Variants in SENP7 observed in about 807,000 individuals in gnomAD.
The protein encoded by SENP7 is SUMO specific peptidase 7, also known as sentrin-specific protease 7.
In SENP7, 64 loss-of-function variants were observed where a neutral mutation model predicts 141.2. The observed-to-expected ratio is 0.45, with a 90% CI of 0.37 to 0.56. SENP7 has a LOEUF of 0.56. Among genes scored for constraint, SENP7 ranks in the 20% least tolerant of loss-of-function variants. The probability of loss-of-function intolerance (pLI) is 0.00; values close to 1 mark genes in which losing one functional copy is unlikely to be tolerated. For synonymous variants in SENP7, 382 were observed against 426.4 expected (o/e 0.90, Z 1.28); for missense variants, 1,025 against 1,212.2 (o/e 0.85, Z 2.29).
At chr3:101,433,895 A>C (rs1056200222) in intron 4 of SENP7, among the ~76,000 whole-genome samples, 4 of 152,112 alleles carry the variant, frequency 2.6e-5, no homozygotes, top group African/African-American at 9.7e-5. Flanking sequence ...ACAAACAAAC[A>C]AACAAACATC....
intron 4 of SENP7, among the ~76,000 whole-genome samples, chr3:101,450,852 A>G (rs1377094910): frequency 6.6e-6 from 1 of 152,212 alleles, no homozygotes; most frequent in Non-Finnish European, 1.5e-5. Context: ...AAGGCAAGAA[A>G]TAACTAAGAT....
chr3:101,434,582 G>A (rs1215903888), intron 4 of SENP7, among the ~76,000 whole-genome samples: 2 of 151,890 alleles, frequency 1.3e-5, no homozygotes, highest in African/African-American at 4.8e-5. Flanking sequence ...AAATTAAAAA[G>A]GAGGCATTAC....
chr3:101,465,389 C>G (rs1339100156), intron 3 of SENP7, among the ~76,000 whole-genome samples: 1 of 152,218 alleles, frequency 6.6e-6, no homozygotes, highest in African/African-American at 2.4e-5. Context: ...ACACACACCA[C>G]TCAGGCAACT....
intron 3 of SENP7, among the ~76,000 whole-genome samples, chr3:101,463,005 C>T (rs150619458): frequency 0.019 from 2,896 of 152,186 alleles, 45 homozygotes; most frequent in Non-Finnish European, 0.028. Flanking sequence ...TTGCAATACA[C>T]ATACTGACAA....
intron 3 of SENP7, among the ~76,000 whole-genome samples, chr3:101,490,596 A>G (rs530058505): frequency 6.6e-6 from 1 of 152,346 alleles, no homozygotes; most frequent in Admixed American, 6.5e-5. Context: ...AGATAAAATG[A>G]AAACAAGGAA....
intron 4 of SENP7, among the ~76,000 whole-genome samples, chr3:101,430,994 G>GC (rs1440842875): frequency 1.3e-5 from 2 of 152,200 alleles, no homozygotes; most frequent in African/African-American, 4.8e-5. Flanking sequence ...TGCAGTATGA[G>GC]CGGGTTTCTT....
intron 4 of SENP7, among the ~76,000 whole-genome samples, chr3:101,455,180 A>G (rs953523697): frequency 6.6e-6 from 1 of 152,142 alleles, no homozygotes; most frequent in African/African-American, 2.4e-5. Flanking sequence ...CGATTTATAA[A>G]ATGTTTCAGA....
At chr3:101,383,292 T>C (rs1271210438) in intron 6 of SENP7, among the ~76,000 whole-genome samples, 1 of 152,164 alleles carries the variant, frequency 6.6e-6, no homozygotes, top group Admixed American at 6.5e-5. Flanking sequence ...TTTCCACTGA[T>C]GGCAGCAGCA....
intron 3 of SENP7, among the ~76,000 whole-genome samples, chr3:101,480,863 C>T (rs189202000): frequency 6.2e-4 from 94 of 150,846 alleles, no homozygotes; most frequent in Admixed American, 5.0e-3. Flanking sequence ...CCAACAGGTA[C>T]ATGAAAAAAT....
chr3:101,403,823 CA>C (rs1293901414), intron 5 of SENP7, among the ~76,000 whole-genome samples: 2 of 152,178 alleles, frequency 1.3e-5, no homozygotes, highest in African/African-American at 4.8e-5. Context: ...TCATTCATAA[CA>C]GCCACAAAAA....
At chr3:101,467,828 A>T (rs1223004097) in intron 3 of SENP7, among the ~76,000 whole-genome samples, 1 of 152,216 alleles carries the variant, frequency 6.6e-6, no homozygotes, top group Non-Finnish European at 1.5e-5. Context: ...CCTCACCAGC[A>T]ACGGAACAAA....
At chr3:101,502,934 AAAAG>A (rs2065450057) in intron 1 of SENP7, among the ~76,000 whole-genome samples, 1 of 152,066 alleles carries the variant, frequency 6.6e-6, no homozygotes, top group African/African-American at 2.4e-5. Flanking sequence ...AAAAAAAAAA[AAAAG>A]AACTTCTGTT....
At chr3:101,409,965 T>A (rs745568879) in intron 5 of SENP7, among the ~76,000 whole-genome samples, 1 of 152,058 alleles carries the variant, frequency 6.6e-6, no homozygotes, top group Non-Finnish European at 1.5e-5. Context: ...AGCTTTTGCA[T>A]ACCAAAAGGA....
At chr3:101,458,537 C>CTA in intron 4 of SENP7, 1 of 155,382 alleles carries the variant, frequency 6.4e-6, no homozygotes, top group Non-Finnish European at 1.4e-5. Flanking sequence ...TTTGGCTGGC[C>CTA]CAAGTACAGA....
Position 101,327,249 on chromosome 3 carries a change from G to A in SENP7, c.3015+417C>T, listed in dbSNP as rs149240866. On this transcript the variant is annotated intron_variant, in intron 23 of 23. Coordinates refer to ENST00000394095, the MANE Select transcript of SENP7 (RefSeq NM_020654.5). ...CAGTGATATAGTTTTGCTGTGCCCC[G>A]ACCCAAATCTCATCTTGAATTGTAG... 7.0e-4 allele frequency among the ~76,000 whole-genome samples: 107 copies of A among 151,964 alleles called. No homozygotes were observed. In the East Asian group the frequency reaches 0.017, roughly 25 times the overall value.
intron 9 of SENP7, 136 bp from the exon 10 acceptor site, chr3:101,365,127 C>T (rs958649081): frequency 1.1e-5 from 5 of 448,598 alleles, no homozygotes; most frequent in Admixed American, 4.5e-5. Flanking sequence ...CTCAGCCTCC[C>T]GAGTAGCTGG....
intron 1 of SENP7, among the ~76,000 whole-genome samples, chr3:101,511,477 T>C (rs2065855526): frequency 6.6e-6 from 1 of 152,178 alleles, no homozygotes; most frequent in African/African-American, 2.4e-5. Context: ...GCATTGTGCG[T>C]TTTCCTAATG....
intron 17 of SENP7, among the ~76,000 whole-genome samples, chr3:101,335,830 C>A (rs2059170294): frequency 6.6e-6 from 1 of 152,074 alleles, no homozygotes; most frequent in Non-Finnish European, 1.5e-5. Flanking sequence ...CTCCCCCTTC[C>A]ATATATCCCT....
intron 11 of SENP7, chr3:101,357,726 C>A: frequency 1.5e-6 from 1 of 675,988 alleles, no homozygotes; most frequent in South Asian, 1.6e-5. Flanking sequence ...TTTTCAAAGT[C>A]AAACAGACAT....
Sources: gnomAD v4.1 joint callset for allele counts (sites outside exome capture counted in the v4.1 genomes callset) on GRCh38, gnomAD v4.1.1 for gene constraint, MANE v1.5 for transcripts, NCBI Gene and HGNC (gene_info 2026-07-23, HGNC 2026-07-21) for gene names.